The following MVB12B variants were observed in gnomAD, a reference collection of about 807,000 sequenced individuals.
The protein encoded by MVB12B is multivesicular body subunit 12B.
A neutral mutation model predicts 41.6 loss-of-function variants in MVB12B; 16 were observed. The observed-to-expected ratio is 0.38, with a 90% confidence interval of 0.26 to 0.58. MVB12B has a LOEUF of 0.58. Among genes scored for constraint, MVB12B ranks in the 20% least tolerant of loss-of-function variants. The probability of loss-of-function intolerance (pLI) is 0.62; values close to 1 mark genes in which losing one functional copy is unlikely to be tolerated. For missense variants in MVB12B, 274 were observed against 380.2 expected (o/e 0.72, Z 2.32); for synonymous variants, 133 against 139.7 (o/e 0.95, Z 0.34).
chr9:126,439,442 A>G (rs1832577844), intron 7 of MVB12B, among the ~76,000 whole-genome samples: 1 of 152,192 alleles, frequency 6.6e-6, no homozygotes. Context: ...TGTACCATGT[A>G]CCTTGTACTA....
intron 7 of MVB12B, among the ~76,000 whole-genome samples, chr9:126,442,306 C>G (rs548610391): frequency 6.0e-4 from 92 of 152,344 alleles, no homozygotes; most frequent in Admixed American, 1.4e-3. Context: ...GGGGTTCTAT[C>G]TAACTTCCTC....
intron 2 of MVB12B, among the ~76,000 whole-genome samples, chr9:126,343,344 G>A (rs137928825): frequency 1.7e-4 from 26 of 152,298 alleles, no homozygotes; most frequent in East Asian, 1.4e-3. Context: ...CCACGTGCCC[G>A]GAGTAGTGAC....
chr9:126,337,667 C>T (rs1235974408), intron 1 of MVB12B, among the ~76,000 whole-genome samples: 1 of 152,156 alleles, frequency 6.6e-6, no homozygotes, highest in East Asian at 1.9e-4. Context: ...GGGAAGGAGC[C>T]TGAGAAAGCT....
rs1351545255 is a variant in MVB12B at position 126,379,812 on chromosome 9, C to T, written c.205-1252C>T. Among the ~76,000 whole-genome samples the T allele has an allele frequency of 2.0e-5, 3 of 152,200 alleles. No homozygotes were observed. The East Asian group carries it at 5.8e-4, about 29-fold the overall frequency. On this transcript the variant is annotated intron_variant, in intron 2 of 9. Coordinates refer to ENST00000361171, the MANE Select transcript of MVB12B (RefSeq NM_033446.3). Reference sequence around the variant, plus strand: ...CTGGGGTCCTGGCTCCCGCCTCCGCCCTGAGCCTGTGACAGGCAGAGGCCA... The same window carrying T: ...CTGGGGTCCTGGCTCCCGCCTCCGCTCTGAGCCTGTGACAGGCAGAGGCCA...
intron 7 of MVB12B, among the ~76,000 whole-genome samples, chr9:126,451,010 G>A (rs540013714): frequency 8.7e-4 from 133 of 152,336 alleles, no homozygotes; most frequent in African/African-American, 3.1e-3. Context: ...CATGGTGACT[G>A]GGCTCTGCGG....
At chr9:126,460,247 A>G (rs1045957292) in intron 7 of MVB12B, among the ~76,000 whole-genome samples, 1 of 152,186 alleles carries the variant, frequency 6.6e-6, no homozygotes, top group African/African-American at 2.4e-5. Context: ...CAATGAGGCA[A>G]CTTTGCTGCC....
intron 4 of MVB12B, among the ~76,000 whole-genome samples, chr9:126,388,401 A>G (rs1351005349): frequency 6.6e-6 from 1 of 152,206 alleles, no homozygotes; most frequent in Non-Finnish European, 1.5e-5. Context: ...ATAATATAAC[A>G]TTATATGGAT....
rs1255757948 is a variant in MVB12B at position 126,333,571 on chromosome 9, T to TG, written c.81+6561_81+6562insG. 6.6e-6 allele frequency among the ~76,000 whole-genome samples: 1 copy of TG among 151,854 alleles called. No individual in the cohort carries two copies. The highest frequency in any genetic ancestry group is 6.6e-5 in the Admixed American group (1 of 15,240). On this transcript the variant is annotated intron_variant, in intron 1 of 9. Transcript: ENST00000361171. The surrounding 1 kb of genome is among the most constrained non-coding windows in gnomAD (Gnocchi z 4.7). ...AGGCACCACCACCACACCCAGCTAATTTTTGTATTTTTAGTAGAGATGCGG... is the reference window on the plus strand; with the variant it reads ...AGGCACCACCACCACACCCAGCTAATGTTTTGTATTTTTAGTAGAGATGCGG...
Position 126,459,981 on chromosome 9 carries a change from C to T in MVB12B, c.758-21388C>T, listed in dbSNP as rs1833056345. Among the ~76,000 whole-genome samples the T allele has an allele frequency of 6.6e-6, 1 of 152,216 alleles. No homozygotes were observed. The highest frequency in any genetic ancestry group is 2.4e-5 in the African/African-American group (1 of 41,460). ...TGTGCTTTGGACTTTGAATTTGAGG[C>T]TCCCATTTGAAACCACTTTTCCCCA... On this transcript the variant is annotated intron_variant, in intron 7 of 9. Coordinates refer to ENST00000361171, the MANE Select transcript of MVB12B (RefSeq NM_033446.3). The surrounding 1 kb of genome is among the most constrained non-coding windows in gnomAD (Gnocchi z 4.3).
chr9:126,342,019 A>T (rs1829458201), intron 2 of MVB12B, among the ~76,000 whole-genome samples: 1 of 152,272 alleles, frequency 6.6e-6, no homozygotes, highest in Non-Finnish European at 1.5e-5. Flanking sequence ...TTTCAGTCTT[A>T]GCTGCTGCTT....
intron 2 of MVB12B, among the ~76,000 whole-genome samples, chr9:126,345,582 G>A (rs1330340): frequency 0.3 from 45,567 of 152,166 alleles, 6,887 homozygotes; most frequent in Non-Finnish European, 0.31. Flanking sequence ...TCAGTGGCAG[G>A]CAAGGAGCCA....
chr9:126,449,497 G>A (rs192143110), intron 7 of MVB12B, among the ~76,000 whole-genome samples: 19 of 152,302 alleles, frequency 1.2e-4, no homozygotes, highest in African/African-American at 3.4e-4. Context: ...TCCTTGCTAA[G>A]GCTCATTTCC....
intron 3 of MVB12B, among the ~76,000 whole-genome samples, chr9:126,381,835 G>T (rs1830646531): frequency 6.6e-6 from 1 of 151,630 alleles, no homozygotes. Flanking sequence ...GGCCTGCCCT[G>T]GGCACCTCAT....
intron 7 of MVB12B, among the ~76,000 whole-genome samples, chr9:126,460,384 T>G (rs1305512663): frequency 6.6e-6 from 1 of 152,158 alleles, no homozygotes; most frequent in African/African-American, 2.4e-5. Context: ...TCCCACATTC[T>G]TTGATTTGTT....
intron 7 of MVB12B, among the ~76,000 whole-genome samples, chr9:126,443,870 C>T (rs140420484): frequency 1.6e-4 from 24 of 152,398 alleles, no homozygotes; most frequent in African/African-American, 5.5e-4. Flanking sequence ...CCTCCATTTC[C>T]GGCCCTTCCC....
chr9:126,411,045 G>A (rs536393176), intron 6 of MVB12B, among the ~76,000 whole-genome samples: 14 of 151,968 alleles, frequency 9.2e-5, no homozygotes, highest in African/African-American at 2.7e-4. Context: ...ACGCCACCAC[G>A]CCCGGCTAAT....
At chr9:126,387,466 A>G (rs975685782) in intron 4 of MVB12B, among the ~76,000 whole-genome samples, 3 of 152,182 alleles carry the variant, frequency 2.0e-5, no homozygotes, top group Admixed American at 2.0e-4. Context: ...TTATTCTTTC[A>G]TAATTAGCCC....
At chr9:126,481,237 A>G (rs1833517106) in intron 7 of MVB12B, 132 bp from the exon 8 acceptor site, 5 of 786,422 alleles carry the variant, frequency 6.4e-6, no homozygotes, top group Non-Finnish European at 1.1e-5. Context: ...GCTCCAGCAC[A>G]TCTGTGCTGG....
intron 9 of MVB12B, among the ~76,000 whole-genome samples, chr9:126,499,860 C>G (rs1258222722): frequency 3.3e-5 from 5 of 152,166 alleles, no homozygotes; most frequent in Non-Finnish European, 7.4e-5. Flanking sequence ...TCTCCGCCCT[C>G]CCCCAGCCCG....
Sources: gnomAD v4.1 joint callset for allele counts (sites outside exome capture counted in the v4.1 genomes callset) on GRCh38, gnomAD v4.1.1 for gene constraint, Gnocchi (gnomAD v3.1) non-coding constraint, MANE v1.5 for transcripts, NCBI Gene and HGNC (gene_info 2026-07-23, HGNC 2026-07-21) for gene names.